EPHA6: variants seen among roughly 807,000 people sequenced by gnomAD.
EPHA6 encodes the protein ephrin type-A receptor 6.
In EPHA6, 50 loss-of-function variants were observed where a neutral mutation model predicts 112.0. The observed-to-expected ratio is 0.45, with a 90% CI of 0.36 to 0.56. The LOEUF (loss-of-function observed/expected upper bound fraction) is 0.56. Among genes scored for constraint, EPHA6 ranks in the 20% least tolerant of loss-of-function variants. The pLI is 0.00. For synonymous variants in EPHA6, 529 were observed against 490.7 expected, an observed-to-expected ratio of 1.08 and a Z score of -1.03; for missense variants, 1,280 against 1,417.4, an observed-to-expected ratio of 0.90 and a Z score of 1.56.
intron 2 of EPHA6, among the ~76,000 whole-genome samples, chr3:96,890,879 AG>A (rs533154642): frequency 1.3e-5 from 2 of 152,148 alleles, no homozygotes; most frequent in African/African-American, 2.4e-5. Flanking sequence ...TGAGGTCAGG[AG>A]TGCAAGGCCA....
chr3:97,002,686 T>C (rs2043710766), intron 3 of EPHA6, among the ~76,000 whole-genome samples: 1 of 151,976 alleles, frequency 6.6e-6, no homozygotes, highest in African/African-American at 2.4e-5. Context: ...TATACTATGT[T>C]CTTGGATAGG....
At chr3:96,984,938 T>C (rs1395733058) in intron 2 of EPHA6, among the ~76,000 whole-genome samples, 2 of 152,224 alleles carry the variant, frequency 1.3e-5, no homozygotes, top group Non-Finnish European at 2.9e-5. Context: ...ATTTTCCAGA[T>C]GCCATCTGTC....
rs2094084776 is a variant in EPHA6, at chr3:97,648,539, C to A, written c.2784+10457C>A. Reference sequence around the variant, plus strand: ...ATTTTTAAGCCTTGAACATGTCCAACTTTAAGAACTTTAAGAATAAATATT... The same window carrying A: ...ATTTTTAAGCCTTGAACATGTCCAAATTTAAGAACTTTAAGAATAAATATT... On this transcript the variant is annotated intron_variant, in intron 14 of 17. Transcript: ENST00000389672. 7.2e-6 allele frequency: 9 copies of A among 1,242,924 alleles called. No homozygotes were observed. The Admixed American group carries it at 1.3e-4, about 17-fold the overall frequency. 77.0% of individuals were successfully genotyped at this position (1,242,924 alleles called of 1,614,324 possible).
rs535957173 is a variant in EPHA6 at position 97,750,510 on chromosome 3, C to T, written c.*1809C>T. 2.6e-5 allele frequency among the ~76,000 whole-genome samples: 4 copies of T among 152,096 alleles called. No individual in the cohort carries two copies. Among genetic ancestry groups the T allele is most frequent in the Admixed American group, 1.3e-4 (2 of 15,276 alleles). On this transcript the variant is annotated 3_prime_UTR_variant, in exon 18 of 18. Transcript: ENST00000389672. The stretch of plus-strand genomic sequence containing the variant: ...TAGCTGGGATTACAGGCGCCTGCCA[C>T]CACTCCCGGCTAATTTTTGTATTTT...
intron 5 of EPHA6, among the ~76,000 whole-genome samples, chr3:97,374,735 C>T (rs565711997): frequency 6.6e-6 from 1 of 152,118 alleles, no homozygotes; most frequent in East Asian, 1.9e-4. Context: ...TCCAGTTTAG[C>T]TTCTACTTAT....
At chr3:96,996,760 T>C (rs963285662) in intron 3 of EPHA6, among the ~76,000 whole-genome samples, 3 of 152,112 alleles carry the variant, frequency 2.0e-5, no homozygotes, top group Non-Finnish European at 4.4e-5. Context: ...GCAGAGTAGA[T>C]TTATCATAAT....
At chr3:97,400,591 A>T (rs79375729) in intron 5 of EPHA6, among the ~76,000 whole-genome samples, 1 of 151,526 alleles carries the variant, frequency 6.6e-6, no homozygotes, top group African/African-American at 2.4e-5. Context: ...GTTTCCTCTT[A>T]AAGTTTTTCA....
At chr3:97,378,154 G>A (rs567175808) in intron 5 of EPHA6, among the ~76,000 whole-genome samples, 2 of 152,266 alleles carry the variant, frequency 1.3e-5, no homozygotes, top group East Asian at 3.9e-4. Flanking sequence ...CTAGGGACTT[G>A]TTGCCCTGCG....
intron 2 of EPHA6, among the ~76,000 whole-genome samples, chr3:96,966,105 T>C (rs568650028): frequency 6.6e-6 from 1 of 152,278 alleles, no homozygotes; most frequent in East Asian, 1.9e-4. Context: ...AATTAGGTAT[T>C]CTTGAAATGT....
chr3:97,748,565 C>T, intron 17 of EPHA6, 22 bp from the exon 18 acceptor site: 1 of 1,277,148 alleles, frequency 7.8e-7, no homozygotes, highest in Non-Finnish European at 1.1e-6. Context: ...CGCTCTCACT[C>T]TTGCTCTCTC....
At chr3:97,739,742 C>T (rs1409582356) in intron 16 of EPHA6, among the ~76,000 whole-genome samples, 1 of 151,926 alleles carries the variant, frequency 6.6e-6, no homozygotes, top group Admixed American at 6.6e-5. Flanking sequence ...GTAGATATAC[C>T]ATATAAGTGA....
intron 1 of EPHA6, among the ~76,000 whole-genome samples, chr3:96,852,756 G>T (rs2035471302): frequency 1.3e-5 from 2 of 152,120 alleles, no homozygotes; most frequent in Admixed American, 6.6e-5. Flanking sequence ...AGATGCAGAT[G>T]CAGATAATAA....
intron 12 of EPHA6, among the ~76,000 whole-genome samples, chr3:97,597,140 A>C (rs188583467): frequency 4.6e-5 from 7 of 152,072 alleles, no homozygotes; most frequent in Admixed American, 4.6e-4. Context: ...AGTGTTGAAT[A>C]TCTCCCTAAT....
intron 3 of EPHA6, among the ~76,000 whole-genome samples, chr3:97,205,671 A>G (rs1466822847): frequency 6.6e-6 from 1 of 152,180 alleles, no homozygotes; most frequent in East Asian, 1.9e-4. Flanking sequence ...TACCCCACTT[A>G]TACTGAGGGA....
rs536476858 is a variant in EPHA6, at chr3:96,854,019, TTTTG to T, written c.386-12800_386-12797del. On this transcript the variant is annotated intron_variant, in intron 1 of 17. Transcript: ENST00000389672. ...CAGAATACTTAAAGTATTCTGTGTT[TTTTG>T]TTTGTGTTCTCTCAGTTATGTGTAT... Among the ~76,000 whole-genome samples, 20 of 152,056 alleles carry T rather than the reference TTTTG, an allele frequency of 1.3e-4. 1 individual carries two copies. In the South Asian group the frequency reaches 4.1e-3, roughly 32 times the overall value.
At chr3:97,148,743 A>G (rs1368383924) in intron 3 of EPHA6, among the ~76,000 whole-genome samples, 1 of 152,136 alleles carries the variant, frequency 6.6e-6, no homozygotes, top group Admixed American at 6.6e-5. Flanking sequence ...TCTGGATATT[A>G]TGGACCATTT....
At chr3:97,452,055 A>G (rs986211055) in intron 7 of EPHA6, among the ~76,000 whole-genome samples, 2 of 151,948 alleles carry the variant, frequency 1.3e-5, no homozygotes, top group Middle Eastern at 3.2e-3. Flanking sequence ...CAAGGCAATA[A>G]CATAATTATG....
intron 1 of EPHA6, among the ~76,000 whole-genome samples, chr3:96,820,677 T>A (rs976245429): frequency 1.3e-5 from 2 of 152,068 alleles, no homozygotes; most frequent in Non-Finnish European, 2.9e-5. Flanking sequence ...GTTCAAACAA[T>A]AATTTAAAAT....
rs549015471 is a variant in EPHA6, at chr3:97,759,762, G to T, written c.*11061G>T. 31 of 226,606 alleles carry T rather than the reference G, an allele frequency of 1.4e-4. No homozygotes were observed. Among genetic ancestry groups the T allele is most frequent in the Non-Finnish European group, 2.5e-4 (28 of 113,894 alleles). 14.0% of individuals were successfully genotyped at this position (226,606 alleles called of 1,614,324 possible). ...AAAAGCCAATATGCAGGATGGGAAG[G>T]ACGTATAGGTTGGAAGAGACATATG... On this transcript the variant is annotated 3_prime_UTR_variant, in exon 18 of 18. Transcript: ENST00000389672.
Sources: allele counts gnomAD v4.1 joint callset (sites outside exome capture counted in the v4.1 genomes callset), GRCh38; gene constraint gnomAD v4.1.1; transcripts MANE v1.5; gene names NCBI Gene and HGNC (gene_info 2026-07-23, HGNC 2026-07-21).